Variants in NFATC3 observed in about 807,000 individuals in gnomAD.
NFATC3 encodes the protein nuclear factor of activated T cells 3.
NFATC3 carries 46 observed loss-of-function variants against 98.6 expected under a neutral mutation model. The ratio of observed to expected loss-of-function variants is 0.47; its 90% CI spans 0.37 to 0.60. NFATC3 has a LOEUF of 0.60. Among genes scored for constraint, NFATC3 ranks in the 20% least tolerant of loss-of-function variants. NFATC3 has a pLI of 0.00. For synonymous variants in NFATC3, 512 were observed against 472.2 expected (o/e 1.08, Z -1.09); for missense variants, 1,256 against 1,295.5 (o/e 0.97, Z 0.47).
At position 68,192,228 on chromosome 16, in the gene NFATC3, A is replaced by ATATATATAT. The variant is rs1380467877; in HGVS notation, c.3106+453_3106+454insTATATATAT. 2.6e-3 allele frequency: 189 copies of ATATATATAT among 72,460 alleles called. 3 individuals are homozygous for ATATATATAT. The highest frequency in any genetic ancestry group is 0.01 in the Middle Eastern group (1 of 98). The allele number at this position is 72,460 out of a possible 1,614,324, so 4.5% of individuals were successfully genotyped here. ...GTCTCGGGAAAAAAAAAAAAAAAAA[A>ATATATATAT]AAATATATATATATATATATATATA... On this transcript the variant is annotated intron_variant, in intron 9 of 9. Coordinates refer to ENST00000346183, the MANE Select transcript of NFATC3 (RefSeq NM_173165.3).
intron 5 of NFATC3, among the ~76,000 whole-genome samples, chr16:68,172,983 C>G (rs947820659): frequency 4.6e-5 from 7 of 151,734 alleles, no homozygotes; most frequent in African/African-American, 1.5e-4. Context: ...ATATCTGGGC[C>G]CAGTGGCTCA....
At chr16:68,185,383 G>T (rs960192655) in intron 8 of NFATC3, among the ~76,000 whole-genome samples, 4 of 152,224 alleles carry the variant, frequency 2.6e-5, no homozygotes, top group Non-Finnish European at 5.9e-5. Context: ...CTTCAAGGCG[G>T]GTGGTAAGGT....
intron 8 of NFATC3, among the ~76,000 whole-genome samples, chr16:68,187,679 C>T (rs993400684): frequency 6.6e-6 from 1 of 152,138 alleles, no homozygotes; most frequent in Non-Finnish European, 1.5e-5. Context: ...GTGGGTAGCT[C>T]CTCTCCACAG....
At chr16:68,225,543 A>G (rs2042011785) in intron 9 of NFATC3, 1 of 152,174 alleles carries the variant, frequency 6.6e-6, no homozygotes, top group Non-Finnish European at 1.5e-5. Context: ...ACGTTTATCC[A>G]TTCATCACTT....
At chr16:68,188,126 A>G (rs1219748008) in intron 8 of NFATC3, among the ~76,000 whole-genome samples, 1 of 152,142 alleles carries the variant, frequency 6.6e-6, no homozygotes, top group Non-Finnish European at 1.5e-5. Flanking sequence ...GGGTTGCAAC[A>G]TCACCCAGAC....
intron 1 of NFATC3, among the ~76,000 whole-genome samples, chr16:68,103,901 T>C (rs2035503530): frequency 6.6e-6 from 1 of 152,248 alleles, no homozygotes; most frequent in Non-Finnish European, 1.5e-5. Context: ...CATTGATTAA[T>C]ACATCTCTTC....
chr16:68,144,025 T>C (rs1000529108), intron 3 of NFATC3, among the ~76,000 whole-genome samples: 2 of 152,130 alleles, frequency 1.3e-5, no homozygotes, highest in Non-Finnish European at 2.9e-5. Context: ...TTAAAAACTT[T>C]AGCTCCGTGA....
chr16:68,163,442 C>T (rs1411915852), intron 4 of NFATC3, among the ~76,000 whole-genome samples: 1 of 148,714 alleles, frequency 6.7e-6, no homozygotes, highest in South Asian at 2.1e-4. Context: ...TAGGGGCGGC[C>T]GGGCAGAGGC....
chr16:68,222,309 A>G (rs2041898612), intron 9 of NFATC3, among the ~76,000 whole-genome samples: 2 of 142,884 alleles, frequency 1.4e-5, no homozygotes, highest in African/African-American at 2.5e-5. Flanking sequence ...AAAAAAAAAA[A>G]AAAAAAAAAA....
chr16:68,163,775 C>T (rs2039035079), intron 4 of NFATC3, among the ~76,000 whole-genome samples: 1 of 149,166 alleles, frequency 6.7e-6, no homozygotes, highest in Non-Finnish European at 1.5e-5. Flanking sequence ...GGCGGTGGGG[C>T]AGAGGCGCTC....
chr16:68,129,094 C>A (rs1047591893), intron 3 of NFATC3, among the ~76,000 whole-genome samples: 1 of 152,024 alleles, frequency 6.6e-6, no homozygotes, highest in Non-Finnish European at 1.5e-5. Context: ...AACCCAGTTT[C>A]TACAAAAAAT....
intron 1 of NFATC3, among the ~76,000 whole-genome samples, chr16:68,101,185 C>A (rs1346237707): frequency 6.6e-6 from 1 of 151,936 alleles, no homozygotes; most frequent in Non-Finnish European, 1.5e-5. Flanking sequence ...TCGTGTTGCC[C>A]AGGATGGAGT....
intron 6 of NFATC3, among the ~76,000 whole-genome samples, chr16:68,177,042 T>G (rs908360846): frequency 9.3e-5 from 14 of 151,092 alleles, no homozygotes; most frequent in African/African-American, 3.1e-4. Flanking sequence ...CTTTTTTTTT[T>G]TTTTGTTTTT....
At chr16:68,139,383 GACCAAC>G (rs1249205421) in intron 3 of NFATC3, among the ~76,000 whole-genome samples, 1 of 152,150 alleles carries the variant, frequency 6.6e-6, no homozygotes, top group African/African-American at 2.4e-5. Context: ...TGAACAGTTT[GACCAAC>G]ACTTCAACAC....
intron 1 of NFATC3, among the ~76,000 whole-genome samples, chr16:68,096,448 A>C (rs1323715017): frequency 6.6e-6 from 1 of 152,252 alleles, no homozygotes. Flanking sequence ...GTCCTCTTCC[A>C]TTAAGTGGGT....
At chr16:68,090,324 C>A (rs1322872076) in intron 1 of NFATC3, among the ~76,000 whole-genome samples, 3 of 107,132 alleles carry the variant, frequency 2.8e-5, no homozygotes, top group South Asian at 3.4e-4. Context: ...TCTTTAAAAA[C>A]ACACACACAC....
At chr16:68,200,397 T>C (rs1454461966) in intron 9 of NFATC3, 1 of 151,862 alleles carries the variant, frequency 6.6e-6, no homozygotes. Flanking sequence ...TTTCCCTACA[T>C]AGGTTTATAT....
intron 1 of NFATC3, among the ~76,000 whole-genome samples, chr16:68,094,867 C>CT (rs2034925590): frequency 1.3e-5 from 2 of 152,192 alleles, no homozygotes; most frequent in Admixed American, 1.3e-4. Flanking sequence ...TCACACAGCT[C>CT]TTTTCTTTTT....
Position 68,226,614 on chromosome 16 carries a change from C to T in NFATC3, c.*143C>T. 1.0e-6 allele frequency: 1 copy of T among 959,084 alleles called. No individual in the cohort carries two copies. Among genetic ancestry groups the T allele is most frequent in the Non-Finnish European group, 1.5e-6 (1 of 688,124 alleles). 59.4% of individuals were successfully genotyped at this position (959,084 alleles called of 1,614,324 possible). On this transcript the variant is annotated 3_prime_UTR_variant, in exon 10 of 10. Transcript: ENST00000346183. The stretch of plus-strand genomic sequence containing the variant: ...TGTGGGGAAAGTAGCATTCCTCCAC[C>T]TCAGGCCTTGGGTAGATTTGGCAAA...
Sources: allele counts gnomAD v4.1 joint callset (sites outside exome capture counted in the v4.1 genomes callset), GRCh38; gene constraint gnomAD v4.1.1; transcripts MANE v1.5; gene names NCBI Gene and HGNC (gene_info 2026-07-23, HGNC 2026-07-21).